ERBB4: variants seen among roughly 807,000 people sequenced by gnomAD.
ERBB4 encodes erb-b2 receptor tyrosine kinase 4.
ERBB4 carries 42 observed loss-of-function variants against 158.0 expected under a neutral mutation model. The ratio of observed to expected loss-of-function variants is 0.27; its 90% confidence interval spans 0.21 to 0.34. ERBB4 has a LOEUF of 0.34. Among genes scored for constraint, ERBB4 ranks in the 10% least tolerant of loss-of-function variants. The pLI, the probability that ERBB4 is intolerant of heterozygous loss-of-function variation, is 1.00. For synonymous variants in ERBB4, 583 were observed against 558.7 expected, an observed-to-expected ratio of 1.04 and a Z score of -0.61; for missense variants, 1,333 against 1,624.1, an observed-to-expected ratio of 0.82 and a Z score of 3.08.
intron 20 of ERBB4, among the ~76,000 whole-genome samples, chr2:211,465,427 G>A (rs540335741): frequency 6.6e-6 from 1 of 150,728 alleles, no homozygotes; most frequent in African/African-American, 2.4e-5. Context: ...AAATCCCTGG[G>A]TTTTTAAAAA....
At chr2:212,032,703 G>T (rs772605981) in intron 2 of ERBB4, among the ~76,000 whole-genome samples, 2 of 151,968 alleles carry the variant, frequency 1.3e-5, no homozygotes, top group Non-Finnish European at 2.9e-5. Context: ...CATACAATTT[G>T]GTGGGGGAGG....
At chr2:211,583,650 G>A (rs565131986) in intron 19 of ERBB4, among the ~76,000 whole-genome samples, 21 of 151,386 alleles carry the variant, frequency 1.4e-4, no homozygotes, top group Admixed American at 3.9e-4. Context: ...GTATCTATAG[G>A]ACTGTCTTTT....
intron 2 of ERBB4, among the ~76,000 whole-genome samples, chr2:212,017,292 T>C (rs1184062652): frequency 6.6e-6 from 1 of 152,130 alleles, no homozygotes; most frequent in Admixed American, 6.5e-5. Flanking sequence ...CTAATAAATG[T>C]TATTTATAAA....
chr2:211,583,589 A>T (rs545348144), intron 19 of ERBB4, among the ~76,000 whole-genome samples: 8 of 151,768 alleles, frequency 5.3e-5, no homozygotes, highest in Non-Finnish European at 1.2e-4. Flanking sequence ...TGTATTCAAC[A>T]ATATACCTAT....
At chr2:211,551,093 T>C (rs2067083557) in intron 20 of ERBB4, among the ~76,000 whole-genome samples, 1 of 152,116 alleles carries the variant, frequency 6.6e-6, no homozygotes, top group Non-Finnish European at 1.5e-5. Flanking sequence ...AATTAAACAC[T>C]GTATCTCCAT....
chr2:212,016,357 A>G (rs1214197271), intron 2 of ERBB4, among the ~76,000 whole-genome samples: 1 of 152,172 alleles, frequency 6.6e-6, no homozygotes, highest in African/African-American at 2.4e-5. Flanking sequence ...AAGACGAATT[A>G]TGAGAAACAG....
intron 14 of ERBB4, among the ~76,000 whole-genome samples, chr2:211,672,944 CTATTT>C (rs1218496316): frequency 2.6e-5 from 4 of 152,252 alleles, no homozygotes; most frequent in Non-Finnish European, 5.9e-5. Context: ...TTCCATTTAA[CTATTT>C]TATATTTTAT....
chr2:212,094,018 G>T (rs553449169), intron 2 of ERBB4, among the ~76,000 whole-genome samples: 2 of 151,934 alleles, frequency 1.3e-5, no homozygotes, highest in African/African-American at 4.8e-5. Context: ...AAGATAACTT[G>T]GTTCAATTAC....
chr2:211,738,456 C>A (rs2074681938), intron 5 of ERBB4, among the ~76,000 whole-genome samples: 1 of 151,026 alleles, frequency 6.6e-6, no homozygotes, highest in Non-Finnish European at 1.5e-5. Context: ...GCAGCCTCCA[C>A]CTCCCAGGTT....
At chr2:211,399,589 A>G (rs943572406) in intron 25 of ERBB4, among the ~76,000 whole-genome samples, 1 of 152,144 alleles carries the variant, frequency 6.6e-6, no homozygotes, top group Non-Finnish European at 1.5e-5. Context: ...ATCAGTTACT[A>G]TTTCTGAAGC....
chr2:211,702,178 G>C lies in ERBB4; in HGVS notation c.1290-12C>G. On this transcript the variant is annotated splice_polypyrimidine_tract_variant and intron_variant, in intron 11 of 27. Transcript: ENST00000342788. ...GCAAGGACAGGCCACTAAGGAGGGGGAAGTGAGAAAACGGAACCATGAAAC... is the reference window on the plus strand; with the variant it reads ...GCAAGGACAGGCCACTAAGGAGGGGCAAGTGAGAAAACGGAACCATGAAAC... 1.2e-6 allele frequency: 2 copies of C among 1,610,892 alleles called. No homozygotes were observed. The highest frequency in any genetic ancestry group is 8.5e-7 in the Non-Finnish European group (1 of 1,177,070).
At chr2:211,939,957 G>GAAAA (rs60601231) in intron 3 of ERBB4, among the ~76,000 whole-genome samples, 3 of 138,384 alleles carry the variant, frequency 2.2e-5, no homozygotes, top group South Asian at 2.3e-4. Context: ...AAAAAAAAAG[G>GAAAA]AAAAAAAAAA....
At chr2:212,474,176 T>C (rs2106128645) in intron 1 of ERBB4, among the ~76,000 whole-genome samples, 1 of 151,914 alleles carries the variant, frequency 6.6e-6, no homozygotes, top group East Asian at 1.9e-4. Context: ...AATGGACCAA[T>C]ATGACTCAAA....
At chr2:212,123,223 G>T (rs996441392) in intron 2 of ERBB4, among the ~76,000 whole-genome samples, 2 of 152,068 alleles carry the variant, frequency 1.3e-5, no homozygotes, top group Non-Finnish European at 2.9e-5. Context: ...CTAACACAGT[G>T]AAACTCCTGT....
intron 1 of ERBB4, among the ~76,000 whole-genome samples, chr2:212,204,373 A>G (rs2082674433): frequency 6.6e-6 from 1 of 152,114 alleles, no homozygotes; most frequent in Non-Finnish European, 1.5e-5. Flanking sequence ...CACATGGATA[A>G]AGAACTGTGA....
intron 1 of ERBB4, among the ~76,000 whole-genome samples, chr2:212,447,548 A>G (rs2092379930): frequency 6.6e-6 from 1 of 152,174 alleles, no homozygotes. Flanking sequence ...AAAAGTTAAT[A>G]GTTAGTGTCC....
chr2:211,785,559 G>A (rs1468742048), intron 4 of ERBB4, among the ~76,000 whole-genome samples: 1 of 152,200 alleles, frequency 6.6e-6, no homozygotes, highest in East Asian at 1.9e-4. Flanking sequence ...TAAGTCTTAT[G>A]CTTAGGTCTG....
At chr2:212,390,448 C>T (rs1409095496) in intron 1 of ERBB4, among the ~76,000 whole-genome samples, 4 of 151,582 alleles carry the variant, frequency 2.6e-5, no homozygotes, top group Non-Finnish European at 5.9e-5. Context: ...TTAAAAAAAT[C>T]ATATATAAAG....
Position 212,218,760 on chromosome 2 carries a change from A to G in ERBB4, c.83-93857T>C, listed in dbSNP as rs569896007. 3.3e-5 allele frequency among the ~76,000 whole-genome samples: 5 copies of G among 151,472 alleles called. No homozygotes were observed. The South Asian group carries it at 1.0e-3, about 31-fold the overall frequency. On this transcript the variant is annotated intron_variant, in intron 1 of 27. Coordinates refer to ENST00000342788, the MANE Select transcript of ERBB4 (RefSeq NM_005235.3). ...TGCTGGCACATATCAATATCATGGGATTTATCCTGGTAACCTAGGTTTGTG... is the reference window on the plus strand; with the variant it reads ...TGCTGGCACATATCAATATCATGGGGTTTATCCTGGTAACCTAGGTTTGTG...
Sources: allele counts gnomAD v4.1 joint callset (sites outside exome capture counted in the v4.1 genomes callset), GRCh38; gene constraint gnomAD v4.1.1; transcripts MANE v1.5; gene names NCBI Gene and HGNC (gene_info 2026-07-23, HGNC 2026-07-21).